Variants in RPTOR observed in about 807,000 individuals in gnomAD.
RPTOR encodes the protein regulatory associated protein of MTOR complex 1, also known as regulatory-associated protein of mTOR.
A neutral mutation model predicts 169.9 loss-of-function variants in RPTOR; 21 were observed. The ratio of observed to expected loss-of-function variants is 0.12; its 90% CI spans 0.09 to 0.18. The LOEUF (loss-of-function observed/expected upper bound fraction) is 0.18, where lower values mean the gene tolerates loss of function less well. Ranked by LOEUF, RPTOR falls within the 10% of genes least tolerant of loss-of-function variation. RPTOR has a pLI of 1.00. For synonymous variants in RPTOR, 732 were observed against 753.2 expected (o/e 0.97, Z 0.46); for missense variants, 1,133 against 1,855.9 (o/e 0.61, Z 7.16).
chr17:80,789,685 G>A (rs2143488118), intron 6 of RPTOR, among the ~76,000 whole-genome samples: 1 of 152,312 alleles, frequency 6.6e-6, no homozygotes, highest in South Asian at 2.1e-4. Flanking sequence ...TCAGTCGCAT[G>A]CTAACCCCCA....
intron 1 of RPTOR, among the ~76,000 whole-genome samples, chr17:80,587,184 T>C (rs896039711): frequency 6.6e-6 from 1 of 152,272 alleles, no homozygotes; most frequent in Non-Finnish European, 1.5e-5. Flanking sequence ...TTCCTGGTTG[T>C]GCAGCATGCA....
rs192421703 is a variant in RPTOR at position 80,599,660 on chromosome 17, C to A, written c.163-26031C>A. ...CTGCTACTCTGCCAATGTGAGAAGGCACTGCAGACGGTGTCCACCACATGG... is the reference window on the plus strand; with the variant it reads ...CTGCTACTCTGCCAATGTGAGAAGGAACTGCAGACGGTGTCCACCACATGG... On this transcript the variant is annotated intron_variant, in intron 1 of 33. Coordinates refer to ENST00000306801, the MANE Select transcript of RPTOR (RefSeq NM_020761.3). Among the ~76,000 whole-genome samples, 306 of 152,330 alleles carry A rather than the reference C, an allele frequency of 2.0e-3. 1 individual carries two copies. Among genetic ancestry groups the A allele is most frequent in the African/African-American group, 7.1e-3 (296 of 41,578 alleles).
intron 1 of RPTOR, among the ~76,000 whole-genome samples, chr17:80,546,877 C>T (rs1176450991): frequency 7.9e-5 from 12 of 151,940 alleles, no homozygotes; most frequent in Admixed American, 6.6e-4. Flanking sequence ...GAGACCAGCC[C>T]GGCCAACATG....
At position 80,593,541 on chromosome 17, in the gene RPTOR, T is replaced by C. The variant is rs78017047; in HGVS notation, c.163-32150T>C. On this transcript the variant is annotated intron_variant, in intron 1 of 33. Coordinates refer to ENST00000306801, the MANE Select transcript of RPTOR (RefSeq NM_020761.3). Reference sequence around the variant, plus strand: ...AAACCGCTTGTGGAGTTTTGGTGTGTATCAAACAATACTGACAATTATTTC... The same window carrying C: ...AAACCGCTTGTGGAGTTTTGGTGTGCATCAAACAATACTGACAATTATTTC... 1.2e-3 allele frequency: 178 copies of C among 154,744 alleles called. 3 individuals carry two copies. In the East Asian group the frequency reaches 0.027, roughly 24 times the overall value. 9.6% of individuals were successfully genotyped at this position (154,744 alleles called of 1,614,324 possible). A position where few individuals can be genotyped will look rare whatever the true frequency, so the allele number is the denominator to read the frequency against.
intron 1 of RPTOR, among the ~76,000 whole-genome samples, chr17:80,620,590 C>A (rs1479915372): frequency 2.0e-5 from 3 of 152,154 alleles, no homozygotes; most frequent in Non-Finnish European, 4.4e-5. Flanking sequence ...CATGGCGAAA[C>A]CCCATCTCTA....
intron 20 of RPTOR, among the ~76,000 whole-genome samples, chr17:80,895,092 C>G (rs1379732090): frequency 6.6e-6 from 1 of 152,220 alleles, no homozygotes; most frequent in Non-Finnish European, 1.5e-5. Flanking sequence ...CTAGTTTCTT[C>G]TTGCCTTTTG....
At chr17:80,808,413 G>C (rs1465377197) in intron 7 of RPTOR, among the ~76,000 whole-genome samples, 1 of 152,182 alleles carries the variant, frequency 6.6e-6, no homozygotes, top group Non-Finnish European at 1.5e-5. Flanking sequence ...GACAGAGCAA[G>C]ACCCCATCTG....
chr17:80,893,334 T>C (rs1332762260), intron 19 of RPTOR, among the ~76,000 whole-genome samples: 1 of 127,018 alleles, frequency 7.9e-6, no homozygotes, highest in Non-Finnish European at 1.6e-5. Context: ...GCGCGCCAGG[T>C]GTGTGTGCGC....
intron 5 of RPTOR, among the ~76,000 whole-genome samples, chr17:80,732,864 T>G (rs2066403842): frequency 6.6e-6 from 1 of 152,276 alleles, no homozygotes; most frequent in Non-Finnish European, 1.5e-5. Context: ...TCTTTACAGC[T>G]GGTCAAATTC....
At chr17:80,671,858 A>G (rs1196975865) in intron 3 of RPTOR, among the ~76,000 whole-genome samples, 1 of 152,210 alleles carries the variant, frequency 6.6e-6, no homozygotes, top group Non-Finnish European at 1.5e-5. Context: ...GCGCACAAAG[A>G]TGACCGTGGA....
At chr17:80,813,862 G>A (rs7212127) in intron 7 of RPTOR, among the ~76,000 whole-genome samples, 54,566 of 152,112 alleles carry the variant, frequency 0.36, 10,069 homozygotes, top group African/African-American at 0.42. Context: ...GACTCGGTAC[G>A]GTGGCTTATG....
At position 80,562,523 on chromosome 17, in the gene RPTOR, C is replaced by A. The variant is rs535378773; in HGVS notation, c.162+16732C>A. On this transcript the variant is annotated intron_variant, in intron 1 of 33. Transcript: ENST00000306801. The surrounding 1 kb of genome is among the most constrained non-coding windows in gnomAD (Gnocchi z 4.4). ...ACAAGGCCGGGAGCAGTGGCTCATG[C>A]GTGTAATCCCAGCACTTTGGGAGGC... 1.3e-5 allele frequency among the ~76,000 whole-genome samples: 2 copies of A among 152,298 alleles called. No individual in the cohort carries two copies. The highest frequency in any genetic ancestry group is 4.8e-5 in the African/African-American group (2 of 41,558).
intron 3 of RPTOR, among the ~76,000 whole-genome samples, chr17:80,679,736 A>G (rs2065884515): frequency 6.6e-6 from 1 of 152,250 alleles, no homozygotes. Flanking sequence ...ATATTTATGT[A>G]TTTATTTGAA....
intron 13 of RPTOR, among the ~76,000 whole-genome samples, chr17:80,868,602 A>G (rs2143790903): frequency 6.6e-6 from 1 of 152,354 alleles, no homozygotes; most frequent in South Asian, 2.1e-4. Context: ...CACTCAGCAT[A>G]CAATCCAGCC....
At chr17:80,627,323 A>T (rs1031348914) in intron 2 of RPTOR, among the ~76,000 whole-genome samples, 3 of 152,194 alleles carry the variant, frequency 2.0e-5, no homozygotes, top group African/African-American at 7.2e-5. Flanking sequence ...CCCGGCCAAG[A>T]TACAATTTAT....
chr17:80,828,359 G>A (rs1402207998), intron 9 of RPTOR, among the ~76,000 whole-genome samples: 1 of 152,330 alleles, frequency 6.6e-6, no homozygotes, highest in East Asian at 1.9e-4. Context: ...GCAGTCAGCT[G>A]CATCCCACCT....
chr17:80,706,631 T>A (rs2066144123), intron 3 of RPTOR, among the ~76,000 whole-genome samples: 1 of 152,232 alleles, frequency 6.6e-6, no homozygotes, highest in Non-Finnish European at 1.5e-5. Context: ...CCTCGCTGTC[T>A]TAATGAGAGG....
chr17:80,600,592 C>T (rs2065177898), intron 1 of RPTOR, among the ~76,000 whole-genome samples: 1 of 152,078 alleles, frequency 6.6e-6, no homozygotes, highest in South Asian at 2.1e-4. Context: ...TCTGGGTCAG[C>T]TCTTTAGACC....
chr17:80,796,838 CAG>C (rs1337673799), intron 7 of RPTOR, among the ~76,000 whole-genome samples: 1 of 152,210 alleles, frequency 6.6e-6, no homozygotes. Context: ...CACAGTGTGA[CAG>C]AGGTTAAATT....
Sources: allele counts gnomAD v4.1 joint callset (sites outside exome capture counted in the v4.1 genomes callset), GRCh38; gene constraint gnomAD v4.1.1; non-coding constraint Gnocchi (gnomAD v3.1); transcripts MANE v1.5; gene names NCBI Gene and HGNC (gene_info 2026-07-23, HGNC 2026-07-21).